ECHDC1: variants seen among roughly 807,000 people sequenced by gnomAD.
ECHDC1 encodes the protein ethylmalonyl-CoA decarboxylase.
A neutral mutation model predicts 29.7 loss-of-function variants in ECHDC1; 29 were observed. The observed-to-expected ratio is 0.98, with a 90% CI of 0.73 to 1.33. ECHDC1 has a LOEUF of 1.33. Among genes scored for constraint, ECHDC1 ranks in the 40% most tolerant of loss-of-function variants. The pLI is 0.00. For synonymous variants in ECHDC1, 126 were observed against 123.1 expected (o/e 1.02, Z -0.15); for missense variants, 328 against 350.0 (o/e 0.94, Z 0.50).
chr6:127,339,519 T>A (rs1784728481), intron 1 of ECHDC1, among the ~76,000 whole-genome samples: 1 of 152,008 alleles, frequency 6.6e-6, no homozygotes, highest in African/African-American at 2.4e-5. Context: ...ATGCCTGTAA[T>A]CCCAGCACTC....
chr6:127,335,452 A>G (rs1490364873), intron 1 of ECHDC1, among the ~76,000 whole-genome samples: 2 of 152,106 alleles, frequency 1.3e-5, no homozygotes, highest in African/African-American at 4.8e-5. Flanking sequence ...GGTGCTTGTC[A>G]TCTTAAAAAA....
intron 1 of ECHDC1, chr6:127,343,007 T>C (rs1785090207): frequency 6.6e-6 from 1 of 152,246 alleles, no homozygotes; most frequent in South Asian, 2.1e-4. Context: ...TAAATCAGCA[T>C]GTAGAAAGCA....
chr6:127,319,047 A>G (rs1782627342), intron 3 of ECHDC1, among the ~76,000 whole-genome samples: 1 of 152,240 alleles, frequency 6.6e-6, no homozygotes, highest in African/African-American at 2.4e-5. Context: ...TAGATTACAT[A>G]AAATTCCAAT....
At chr6:127,334,418 A>C (rs763844094) in intron 1 of ECHDC1, among the ~76,000 whole-genome samples, 1 of 152,070 alleles carries the variant, frequency 6.6e-6, no homozygotes, top group Non-Finnish European at 1.5e-5. Context: ...CCTATTACTA[A>C]TACAGTTCAA....
In ECHDC1 at chr6:127,316,376, G is replaced by A; in HGVS notation, c.416+74C>T. On this transcript the variant is annotated intron_variant, in intron 4 of 5. Coordinates refer to ENST00000454859, the MANE Select transcript of ECHDC1 (RefSeq NM_001002030.2). ...AAAATTAGCTATTATTTCTTAACTAGTACAAATAATGGAATAGCAAAAAGC... is the reference window on the plus strand; with the variant it reads ...AAAATTAGCTATTATTTCTTAACTAATACAAATAATGGAATAGCAAAAAGC... 2.4e-6 allele frequency: 3 copies of A among 1,250,036 alleles called. No homozygotes were observed. The South Asian group carries it at 4.0e-5, about 16-fold the overall frequency. 77.4% of individuals were successfully genotyped at this position (1,250,036 alleles called of 1,614,324 possible). A position where few individuals can be genotyped will look rare whatever the true frequency, so the allele number is the denominator to read the frequency against.
In ECHDC1 at chr6:127,311,836, G is replaced by T. The variant is rs561318698; in HGVS notation, c.497+2980C>A. 5.3e-5 allele frequency among the ~76,000 whole-genome samples: 8 copies of T among 150,894 alleles called. No individual in the cohort carries two copies. In the South Asian group the frequency reaches 1.7e-3, roughly 32 times the overall value. The stretch of plus-strand genomic sequence containing the variant: ...TGATAAATGAAAAAAACTGAATGAG[G>T]TCTGTAGATTAATTACAAGTATTGT... On this transcript the variant is annotated intron_variant, in intron 5 of 5. Coordinates refer to ENST00000454859, the MANE Select transcript of ECHDC1 (RefSeq NM_001002030.2).
At chr6:127,304,213 T>C (rs944489250) in intron 5 of ECHDC1, among the ~76,000 whole-genome samples, 11 of 152,152 alleles carry the variant, frequency 7.2e-5, no homozygotes, top group Non-Finnish European at 1.5e-4. Context: ...AGAGATGTCA[T>C]TTGTTTGGGA....
chr6:127,318,860 C>T (rs970826256), intron 3 of ECHDC1, among the ~76,000 whole-genome samples: 2 of 152,218 alleles, frequency 1.3e-5, no homozygotes, highest in African/African-American at 4.8e-5. Context: ...TAATCCAAAG[C>T]TGTTATCAGG....
At chr6:127,322,749 A>G (rs1001569887) in intron 3 of ECHDC1, among the ~76,000 whole-genome samples, 4 of 152,000 alleles carry the variant, frequency 2.6e-5, no homozygotes, top group Non-Finnish European at 4.4e-5. Context: ...ATCTAAAGAG[A>G]CAGAAACAAC....
intron 5 of ECHDC1, among the ~76,000 whole-genome samples, chr6:127,291,483 C>T (rs1317784255): frequency 6.6e-6 from 1 of 151,964 alleles, no homozygotes; most frequent in African/African-American, 2.4e-5. Context: ...TTTCCCCAGT[C>T]ATGGGATTTT....
At chr6:127,305,513 A>T (rs552192805) in intron 5 of ECHDC1, among the ~76,000 whole-genome samples, 1 of 152,324 alleles carries the variant, frequency 6.6e-6, no homozygotes, top group South Asian at 2.1e-4. Context: ...GTAAGCATAC[A>T]GAAAAACACA....
At chr6:127,297,033 A>C (rs1050868136) in intron 5 of ECHDC1, among the ~76,000 whole-genome samples, 2 of 152,190 alleles carry the variant, frequency 1.3e-5, no homozygotes, top group Non-Finnish European at 2.9e-5. Flanking sequence ...AGAGAAAAAA[A>C]AGAAATGCAT....
At chr6:127,327,996 T>C (rs1783519743) in intron 2 of ECHDC1, among the ~76,000 whole-genome samples, 1 of 152,238 alleles carries the variant, frequency 6.6e-6, no homozygotes, top group African/African-American at 2.4e-5. Context: ...ATAAAGATCA[T>C]AACAGCGGGT....
intron 5 of ECHDC1, among the ~76,000 whole-genome samples, chr6:127,297,911 C>T (rs1215023872): frequency 6.6e-6 from 1 of 152,178 alleles, no homozygotes; most frequent in Non-Finnish European, 1.5e-5. Flanking sequence ...ACTCCAACCT[C>T]CCCCTTGCGT....
In ECHDC1 at chr6:127,315,801, G is replaced by A. The variant is rs115182456; in HGVS notation, c.416+649C>T. 2.7e-4 allele frequency: 105 copies of A among 392,606 alleles called. 1 individual carries two copies. Among genetic ancestry groups the A allele is most frequent in the African/African-American group, 2.2e-3 (104 of 47,378 alleles). 24.3% of individuals were successfully genotyped at this position (392,606 alleles called of 1,614,324 possible). A position where few individuals can be genotyped will look rare whatever the true frequency, so the allele number is the denominator to read the frequency against. On this transcript the variant is annotated intron_variant, in intron 4 of 5. Transcript: ENST00000454859. ...AGATACAATAGGTACCAAAAATACA[G>A]TAATGTCCAATTAATAACCTTGCTT... is the stretch of plus-strand genomic sequence containing the variant.
At chr6:127,310,931 G>A (rs1773790209) in intron 5 of ECHDC1, among the ~76,000 whole-genome samples, 1 of 152,086 alleles carries the variant, frequency 6.6e-6, no homozygotes, top group African/African-American at 2.4e-5. Flanking sequence ...TTACATCTCG[G>A]TGAAGGCTCA....
chr6:127,335,954 T>C (rs13194280), intron 1 of ECHDC1, among the ~76,000 whole-genome samples: 12,978 of 152,126 alleles, frequency 0.085, 678 homozygotes, highest in Middle Eastern at 0.13. Context: ...ACTGATTCTA[T>C]GGTATTAACA....
chr6:127,311,165 T>C (rs1023461782), intron 5 of ECHDC1, among the ~76,000 whole-genome samples: 3 of 152,162 alleles, frequency 2.0e-5, no homozygotes, highest in African/African-American at 7.2e-5. Flanking sequence ...CTATGAATTA[T>C]GCCTGTACCA....
In ECHDC1 at chr6:127,332,610, T is replaced by G. The variant is rs183511220; in HGVS notation, c.-2-1580A>C. Among the ~76,000 whole-genome samples the G allele has an allele frequency of 2.6e-5, 4 of 152,250 alleles. No homozygotes were observed. In the East Asian group the frequency reaches 7.7e-4, roughly 29 times the overall value. ...CAGGAGGTGGATGTAGGGGAGTTCT[T>G]CCGGGTCACAGGTAGATAATAGACA... is the stretch of plus-strand genomic sequence containing the variant. On this transcript the variant is annotated intron_variant, in intron 1 of 5. Transcript: ENST00000454859.
Sources: gnomAD v4.1 joint callset for allele counts (sites outside exome capture counted in the v4.1 genomes callset) on GRCh38, gnomAD v4.1.1 for gene constraint, MANE v1.5 for transcripts, NCBI Gene and HGNC (gene_info 2026-07-23, HGNC 2026-07-21) for gene names.